The following SMG1 variants were observed in gnomAD, a reference collection of about 807,000 sequenced individuals.
SMG1 encodes the protein SMG1 nonsense mediated mRNA decay associated PI3K related kinase.
Under a neutral mutation model 419.9 loss-of-function variants are expected in SMG1, and 22 were observed. The ratio of observed to expected loss-of-function variants is 0.05; its 90% CI spans 0.04 to 0.07. SMG1 has a LOEUF of 0.07. Among genes scored for constraint, SMG1 ranks in the 10% least tolerant of loss-of-function variants. SMG1 has a pLI of 1.00. For synonymous variants in SMG1, 1,538 were observed against 1,553.5 expected (o/e 0.99, Z 0.23); for missense variants, 3,185 against 4,342.0 (o/e 0.73, Z 7.49).
At position 18,893,950 on chromosome 16, in the gene SMG1, G is replaced by A. The variant is rs556172326; in HGVS notation, c.413-1596C>T. 2.2e-3 allele frequency among the ~76,000 whole-genome samples: 332 copies of A among 151,904 alleles called. 5 individuals are homozygous for A. Among genetic ancestry groups the A allele is most frequent in the African/African-American group, 7.3e-3 (303 of 41,440 alleles). On this transcript the variant is annotated intron_variant, in intron 3 of 62. Coordinates refer to ENST00000446231, the MANE Select transcript of SMG1 (RefSeq NM_015092.5). ...CGCGCTCCTGTAATCCCAGCTACTCGGGAGGCTGAGGCAGGAGAATCATTT... is the reference window on the plus strand; with the variant it reads ...CGCGCTCCTGTAATCCCAGCTACTCAGGAGGCTGAGGCAGGAGAATCATTT...
At chr16:18,854,958 T>A in intron 29 of SMG1, 54 bp from the exon 30 acceptor site, 1 of 1,546,546 alleles carries the variant, frequency 6.5e-7, no homozygotes, top group Non-Finnish European at 8.7e-7. Context: ...CCAGACTGCA[T>A]GGAAACATGG....
At chr16:18,880,545 T>TCTA (rs1567417262) in intron 10 of SMG1, among the ~76,000 whole-genome samples, 1 of 151,998 alleles carries the variant, frequency 6.6e-6, no homozygotes, top group Non-Finnish European at 1.5e-5. Flanking sequence ...ACACCTCATC[T>TCTA]CTACTAAATT....
At chr16:18,838,730 A>G in intron 42 of SMG1, 41 bp from the exon 43 acceptor site, 1 of 1,353,614 alleles carries the variant, frequency 7.4e-7, no homozygotes, top group Non-Finnish European at 1.0e-6. Context: ...AAACACCATT[A>G]AGAAATTTCC....
At position 18,926,393 on chromosome 16, in the gene SMG1, C is replaced by G. The variant is rs888299032; in HGVS notation, c.-352G>C. 6.2e-5 allele frequency: 15 copies of G among 241,776 alleles called. No homozygotes were observed. The highest frequency in any genetic ancestry group is 2.6e-4 in the South Asian group (3 of 11,482). 15.0% of individuals were successfully genotyped at this position (241,776 alleles called of 1,614,324 possible). ...AGCAGGCGGTGGCGGCAGCTCCTCA[C>G]GCTCACACGGCCACTGCTTCCCCGC... On this transcript the variant is annotated 5_prime_UTR_variant, in exon 1 of 63. Coordinates refer to ENST00000446231, the MANE Select transcript of SMG1 (RefSeq NM_015092.5).
rs1839030052 is a variant in SMG1, at chr16:18,834,227, T to C, written c.8542A>G (p.Asn2848Asp). The C allele has an allele frequency of 6.2e-7, 1 of 1,600,974 alleles. No individual in the cohort carries two copies. Among genetic ancestry groups the C allele is most frequent in the East Asian group, 2.2e-5 (1 of 44,516 alleles). ...ACCTGAAGTGAGGTATACACTCCATTGGCTAAGTGAACTGTCTCAGACGCT... is the reference window on the plus strand; with the variant it reads ...ACCTGAAGTGAGGTATACACTCCATCGGCTAAGTGAACTGTCTCAGACGCT... The part of the protein sequence containing the change: ...MEASETVHLA[N>D]GVYTSLQELN... The change falls in exon 50 of 63, where the codon AAT becomes GAT. Residue 2848 changes from asparagine to aspartate, a missense_variant. Physicochemically the swap from Asn to Asp is conservative, Grantham distance 23 (BLOSUM62 1). Transcript: ENST00000446231.
chr16:18,876,863 T>C (rs2141666135), intron 12 of SMG1, among the ~76,000 whole-genome samples: 1 of 152,032 alleles, frequency 6.6e-6, no homozygotes, highest in South Asian at 2.1e-4. Context: ...TTTACCCTTA[T>C]GAAAATTTAA....
At chr16:18,907,845 CA>C (rs71141092) in intron 1 of SMG1, among the ~76,000 whole-genome samples, 3,429 of 54,788 alleles carry the variant, frequency 0.063, 130 homozygotes, top group African/African-American at 0.21. Context: ...GAACGAGACT[CA>C]AAAAAAAAAA....
chr16:18,849,053 G>T (rs2034432490), intron 36 of SMG1, among the ~76,000 whole-genome samples, 164 bp downstream of exon 36: 1 of 108,684 alleles, frequency 9.2e-6, no homozygotes, highest in South Asian at 3.3e-4. Flanking sequence ...CTGGGTGACA[G>T]AGTGAGACTC....
chr16:18,889,077 G>A (rs574053808), intron 6 of SMG1, among the ~76,000 whole-genome samples: 1 of 152,060 alleles, frequency 6.6e-6, no homozygotes, highest in South Asian at 2.1e-4. Context: ...GCCTGCCTCG[G>A]CCTCCCAAAG....
chr16:18,840,631 T>C (rs2033861714), intron 41 of SMG1, among the ~76,000 whole-genome samples: 2 of 152,316 alleles, frequency 1.3e-5, no homozygotes, highest in East Asian at 3.9e-4. Context: ...ATTAAACTCC[T>C]AGTCTAAATC....
intron 51 of SMG1, among the ~76,000 whole-genome samples, chr16:18,832,011 A>G (rs191225205): frequency 2.0e-4 from 31 of 152,264 alleles, no homozygotes; most frequent in Non-Finnish European, 1.5e-5. Flanking sequence ...TTAAGAATGA[A>G]AAAATATTTG....
chr16:18,863,570 A>G (rs2141505612), intron 25 of SMG1, 80 bp downstream of exon 25: 1 of 1,291,568 alleles, frequency 7.7e-7, no homozygotes, highest in Non-Finnish European at 1.1e-6. Flanking sequence ...ACATATGACC[A>G]ATTTTAATAT....
chr16:18,923,374 G>A (rs529177303), intron 1 of SMG1, among the ~76,000 whole-genome samples: 23 of 152,306 alleles, frequency 1.5e-4, no homozygotes, highest in African/African-American at 5.3e-4. Flanking sequence ...GCTGAGTGCG[G>A]TGACTTACAC....
intron 60 of SMG1, among the ~76,000 whole-genome samples, chr16:18,813,543 T>C (rs1207757692): frequency 1.3e-5 from 2 of 152,238 alleles, no homozygotes; most frequent in African/African-American, 4.8e-5. Flanking sequence ...TTTGAGTTCT[T>C]TGTAGATTCT....
At chr16:18,915,962 A>G (rs2037955177) in intron 1 of SMG1, among the ~76,000 whole-genome samples, 1 of 149,794 alleles carries the variant, frequency 6.7e-6, no homozygotes. Context: ...CCAGCTACTC[A>G]GGTGGCTGAG....
chr16:18,858,133 C>G, intron 29 of SMG1, 37 bp downstream of exon 29: 1 of 1,516,298 alleles, frequency 6.6e-7, no homozygotes, highest in Non-Finnish European at 8.8e-7. Flanking sequence ...AAAAGAACAC[C>G]TTTAATTTTC....
chr16:18,899,344 CA>C (rs1000606593), intron 1 of SMG1, among the ~76,000 whole-genome samples: 3 of 150,948 alleles, frequency 2.0e-5, no homozygotes, highest in Admixed American at 1.3e-4. Flanking sequence ...ATTTTTTTCC[CA>C]AAAAAAATTT....
chr16:18,903,314 T>C (rs1342284926), intron 1 of SMG1, among the ~76,000 whole-genome samples: 1 of 152,206 alleles, frequency 6.6e-6, no homozygotes, highest in Non-Finnish European at 1.5e-5. Context: ...TTGTTTTACA[T>C]GCATAATTGT....
chr16:18,880,370 A>T (rs1346694245), intron 10 of SMG1, among the ~76,000 whole-genome samples: 7 of 152,208 alleles, frequency 4.6e-5, no homozygotes, highest in African/African-American at 1.7e-4. Flanking sequence ...AATATTTAAC[A>T]ACCAATACAT....
Sources: gnomAD v4.1 joint callset for allele counts (sites outside exome capture counted in the v4.1 genomes callset) on GRCh38, gnomAD v4.1.1 for gene constraint, MANE v1.5 for transcripts, NCBI Gene and HGNC (gene_info 2026-07-23, HGNC 2026-07-21) for gene names.